Variants in ETFA observed in about 807,000 individuals in gnomAD.
ETFA encodes the protein electron transfer flavoprotein subunit alpha, mitochondrial.
ETFA carries 22 observed loss-of-function variants against 46.2 expected under a neutral mutation model. That is an observed-to-expected ratio of 0.48 (90% CI 0.34 to 0.68). The LOEUF (loss-of-function observed/expected upper bound fraction) is 0.68. ETFA is among the 30% of genes least tolerant of loss of function. ETFA has a pLI of 0.01. For missense variants in ETFA, 345 were observed against 401.1 expected (o/e 0.86, Z 1.19); for synonymous variants, 131 against 139.9 (o/e 0.94, Z 0.45).
At chr15:76,224,704 T>C (rs2038987627) in intron 11 of ETFA, among the ~76,000 whole-genome samples, 1 of 152,198 alleles carries the variant, frequency 6.6e-6, no homozygotes, top group African/African-American at 2.4e-5. Context: ...TGGTTCTACA[T>C]GAGGGGTTCC....
intron 1 of ETFA, 102 bp downstream of exon 1, chr15:76,311,248 G>C (rs890449182): frequency 8.0e-6 from 11 of 1,373,748 alleles, no homozygotes; most frequent in Non-Finnish European, 1.1e-5. Flanking sequence ...GGGCGCGAGG[G>C]CTGGTCGAAT....
chr15:76,238,788 G>A (rs868803845), intron 9 of ETFA, among the ~76,000 whole-genome samples: 1 of 152,058 alleles, frequency 6.6e-6, no homozygotes, highest in Non-Finnish European at 1.5e-5. Context: ...TCCTTTGTTT[G>A]CCAAATCCTG....
intron 9 of ETFA, among the ~76,000 whole-genome samples, chr15:76,263,451 G>T (rs187848073): frequency 6.6e-6 from 1 of 152,196 alleles, no homozygotes; most frequent in African/African-American, 2.4e-5. Flanking sequence ...GAAGCTGAGC[G>T]CTTGGAAGAA....
At chr15:76,281,548 C>T (rs2039652009) in intron 8 of ETFA, among the ~76,000 whole-genome samples, 1 of 152,048 alleles carries the variant, frequency 6.6e-6, no homozygotes, top group Non-Finnish European at 1.5e-5. Flanking sequence ...GCCTTAGCCT[C>T]CCAAGTAGCT....
intron 8 of ETFA, among the ~76,000 whole-genome samples, chr15:76,282,987 TC>T (rs745894004): frequency 2.0e-5 from 3 of 152,044 alleles, no homozygotes; most frequent in Admixed American, 6.6e-5. Context: ...AAAACATCAC[TC>T]CCTTCTCATC....
chr15:76,267,105 T>C (rs1201718550), intron 9 of ETFA, among the ~76,000 whole-genome samples: 2 of 152,202 alleles, frequency 1.3e-5, no homozygotes, highest in Admixed American at 1.3e-4. Flanking sequence ...GGAACTTCCA[T>C]CAATTGAGGA....
At chr15:76,306,441 A>G (rs528083558) in intron 1 of ETFA, among the ~76,000 whole-genome samples, 1 of 151,710 alleles carries the variant, frequency 6.6e-6, no homozygotes, top group Admixed American at 6.6e-5. Context: ...TAATTTTTGT[A>G]TTTTTAGTAG....
At chr15:76,232,424 C>T (rs891564379) in intron 9 of ETFA, among the ~76,000 whole-genome samples, 3 of 152,206 alleles carry the variant, frequency 2.0e-5, no homozygotes, top group Admixed American at 6.5e-5. Flanking sequence ...TGTAACCAGA[C>T]TGACACTAAG....
chr15:76,294,356 A>G lies in ETFA; in HGVS notation c.186+1235T>C, dbSNP rs115367453. On this transcript the variant is annotated intron_variant, in intron 2 of 11. Coordinates refer to ENST00000557943, the MANE Select transcript of ETFA (RefSeq NM_000126.4). ...AGACATACAAATAGATAGCTTAGCC[A>G]TCACACATCACACATTGTGGCTGTA... 4.1e-3 allele frequency among the ~76,000 whole-genome samples: 627 copies of G among 152,356 alleles called. 6 individuals are homozygous for G. The highest frequency in any genetic ancestry group is 0.014 in the African/African-American group (602 of 41,586).
chr15:76,292,387 C>T, intron 4 of ETFA, 44 bp downstream of exon 4: 1 of 1,301,252 alleles, frequency 7.7e-7, no homozygotes, highest in Non-Finnish European at 1.1e-6. Flanking sequence ...AAATCTAACC[C>T]TTTCAAGCAG....
chr15:76,271,663 T>C (rs142418170), intron 9 of ETFA, among the ~76,000 whole-genome samples: 9 of 152,334 alleles, frequency 5.9e-5, no homozygotes, highest in African/African-American at 1.9e-4. Flanking sequence ...TGTATCAATG[T>C]TAATATCCTA....
At chr15:76,310,202 T>TGCC (rs2039981093) in intron 1 of ETFA, 1 of 154,720 alleles carries the variant, frequency 6.5e-6, no homozygotes, top group Admixed American at 6.6e-5. Flanking sequence ...GCCCATATCG[T>TGCC]GCCACTGCAC....
At chr15:76,284,494 AT>A in intron 7 of ETFA, 1 of 202,072 alleles carries the variant, frequency 4.9e-6, no homozygotes, top group Non-Finnish European at 9.7e-6. Context: ...TTATTTATTT[AT>A]TTATTTATTT....
At chr15:76,235,728 T>C (rs183307785) in intron 9 of ETFA, among the ~76,000 whole-genome samples, 5 of 152,272 alleles carry the variant, frequency 3.3e-5, no homozygotes, top group East Asian at 1.9e-4. Context: ...AGAGGTGTGA[T>C]AGAGCTACAG....
chr15:76,281,890 A>G (rs1214851237), intron 8 of ETFA, among the ~76,000 whole-genome samples: 1 of 129,398 alleles, frequency 7.7e-6, no homozygotes, highest in Non-Finnish European at 1.6e-5. Context: ...ATGCCATTAC[A>G]CGTATCCTTT....
At chr15:76,256,234 G>T (rs1436772514) in intron 9 of ETFA, among the ~76,000 whole-genome samples, 2 of 146,044 alleles carry the variant, frequency 1.4e-5, no homozygotes, top group African/African-American at 5.2e-5. Context: ...CTCCAGCCTG[G>T]GCAATAAGAG....
chr15:76,235,850 CT>C (rs1240313146), intron 9 of ETFA, among the ~76,000 whole-genome samples: 1 of 152,202 alleles, frequency 6.6e-6, no homozygotes, highest in Non-Finnish European at 1.5e-5. Flanking sequence ...CAGGGGCCCA[CT>C]TTTGCCATCT....
At chr15:76,300,170 TTA>T (rs554573114) in intron 1 of ETFA, among the ~76,000 whole-genome samples, 12 of 152,302 alleles carry the variant, frequency 7.9e-5, no homozygotes, top group Admixed American at 2.6e-4. Context: ...CTCAAATATT[TTA>T]TATATATAAA....
chr15:76,280,714 C>T (rs988720154), intron 8 of ETFA, among the ~76,000 whole-genome samples: 25 of 152,166 alleles, frequency 1.6e-4, no homozygotes, highest in African/African-American at 4.1e-4. Flanking sequence ...TCTTGTGTTG[C>T]CTCCCAATTT....
Sources: gnomAD v4.1 joint callset for allele counts (sites outside exome capture counted in the v4.1 genomes callset) on GRCh38, gnomAD v4.1.1 for gene constraint, MANE v1.5 for transcripts, NCBI Gene and HGNC (gene_info 2026-07-23, HGNC 2026-07-21) for gene names.